The following MCMBP variants were observed in gnomAD, a reference collection of about 807,000 sequenced individuals.
MCMBP encodes mini-chromosome maintenance complex-binding protein.
A neutral mutation model predicts 81.3 loss-of-function variants in MCMBP; 31 were observed. That is an observed-to-expected ratio of 0.38 (90% CI 0.29 to 0.51). MCMBP has a LOEUF of 0.51. Among genes scored for constraint, MCMBP ranks in the 20% least tolerant of loss-of-function variants. MCMBP has a pLI of 0.87. For synonymous variants in MCMBP, 267 were observed against 275.9 expected (o/e 0.97, Z 0.32); for missense variants, 645 against 772.1 (o/e 0.84, Z 1.95).
chr10:119,868,388 T>C (rs953477554), intron 1 of MCMBP, among the ~76,000 whole-genome samples: 2 of 152,162 alleles, frequency 1.3e-5, no homozygotes, highest in Non-Finnish European at 2.9e-5. Context: ...ATCACGCCAC[T>C]GCACTCCACC....
rs1853504782 is a variant in MCMBP, at chr10:119,867,330, T to C, written c.58+5197A>G. 4.0e-5 allele frequency among the ~76,000 whole-genome samples: 6 copies of C among 149,556 alleles called. No individual in the cohort carries two copies. The South Asian group carries it at 1.3e-3, about 32-fold the overall frequency. ...AAAAAAAAAAAAAAAAAGTGGTTAC[T>C]TCAATGGAGGGAGCACGTACTTTCA... On this transcript the variant is annotated intron_variant, in intron 1 of 15. Transcript: ENST00000369077.
intron 5 of MCMBP, among the ~76,000 whole-genome samples, chr10:119,856,965 T>C (rs1853069410): frequency 1.3e-5 from 2 of 151,664 alleles, no homozygotes; most frequent in Non-Finnish European, 2.9e-5. Context: ...CCAGGGATGG[T>C]GGCACACGCT....
intron 11 of MCMBP, among the ~76,000 whole-genome samples, chr10:119,839,216 G>A (rs1852349728): frequency 6.6e-6 from 1 of 152,174 alleles, no homozygotes; most frequent in Non-Finnish European, 1.5e-5. Context: ...CTCTCAGGAG[G>A]TGCCTCCAGG....
At chr10:119,836,204 G>T (rs1191905703) in intron 13 of MCMBP, among the ~76,000 whole-genome samples, 1 of 152,068 alleles carries the variant, frequency 6.6e-6, no homozygotes, top group African/African-American at 2.4e-5. Context: ...GCTTTTTCTT[G>T]GTTACTTATG....
At chr10:119,845,036 C>CATAT (rs1852569355) in intron 8 of MCMBP, among the ~76,000 whole-genome samples, 1 of 152,166 alleles carries the variant, frequency 6.6e-6, no homozygotes, top group Admixed American at 6.5e-5. Flanking sequence ...AACTCCCCTT[C>CATAT]ATATATTCAT....
At chr10:119,848,457 T>G (rs1255278014) in intron 7 of MCMBP, among the ~76,000 whole-genome samples, 17 of 151,638 alleles carry the variant, frequency 1.1e-4, no homozygotes, top group Admixed American at 1.1e-3. Flanking sequence ...ACAAAAAATA[T>G]AAAGAACGAG....
rs1852268258 is a variant in MCMBP at position 119,836,952 on chromosome 10, C to T, written c.1486G>A (p.Glu496Lys). Reference sequence around the variant, plus strand: ...AAAACGTTAATATTGCAGGGGAATTCCATCTGATGGTAGCTGAAGTCATAA... The same window carrying T: ...AAAACGTTAATATTGCAGGGGAATTTCATCTGATGGTAGCTGAAGTCATAA... ...VDYDFSYHQM[E>K]FPCNINVFIT... Residue 496 changes from glutamate (E) to lysine (K), a missense_variant, in exon 13 of 16, where the codon GAA (glutamate) becomes AAA (lysine). By Grantham distance (56) the Glu-to-Lys change is moderately conservative. Transcript: ENST00000369077. 6.2e-7 allele frequency: 1 copy of T among 1,613,664 alleles called. No individual in the cohort carries two copies. Among genetic ancestry groups the T allele is most frequent in the Non-Finnish European group, 8.5e-7 (1 of 1,179,882 alleles).
chr10:119,839,819 C>T (rs766315374), intron 11 of MCMBP, among the ~76,000 whole-genome samples: 1 of 152,224 alleles, frequency 6.6e-6, no homozygotes, highest in African/African-American at 2.4e-5. Flanking sequence ...CAGTTATCTG[C>T]AAAGGCTATC....
intron 1 of MCMBP, 79 bp from the exon 2 acceptor site, chr10:119,859,963 T>C (rs1013964258): frequency 1.3e-5 from 14 of 1,073,838 alleles, no homozygotes; most frequent in Non-Finnish European, 1.5e-5. Flanking sequence ...AGTCACACAA[T>C]AGTTTAGTCA....
rs937249712 is a variant in MCMBP at position 119,872,144 on chromosome 10, G to A, written c.58+383C>T. Among the ~76,000 whole-genome samples the A allele has an allele frequency of 3.9e-5, 6 of 152,224 alleles. No individual in the cohort carries two copies. The East Asian group carries it at 1.2e-3, about 30-fold the overall frequency. ...ACAGGCAAAGTGGTTTTCCCTCCCC[G>A]CGGCTCTGCGGGCCCTCCCCAGGGT... On this transcript the variant is annotated intron_variant, in intron 1 of 15. Coordinates refer to ENST00000369077, the MANE Select transcript of MCMBP (RefSeq NM_001256378.2).
At chr10:119,852,418 T>TATGCCA (rs1393412692) in intron 6 of MCMBP, among the ~76,000 whole-genome samples, 3 of 152,352 alleles carry the variant, frequency 2.0e-5, no homozygotes, top group African/African-American at 7.2e-5. Context: ...TCGCGCCTGT[T>TATGCCA]ATGCCAATGG....
At chr10:119,840,223 G>C (rs1437062955) in intron 11 of MCMBP, among the ~76,000 whole-genome samples, 1 of 152,114 alleles carries the variant, frequency 6.6e-6, no homozygotes, top group Admixed American at 6.5e-5. Flanking sequence ...GTATATTCCA[G>C]TCCACTTCTG....
rs1386123714 is a variant in MCMBP at position 119,872,705 on chromosome 10, G to T, written c.-121C>A. ...GGCCGCTCCTCGCCCGCGTTCGCTCGCGCCCTCCCACGCACAGCGAGCCGC... is the reference window on the plus strand; with the variant it reads ...GGCCGCTCCTCGCCCGCGTTCGCTCTCGCCCTCCCACGCACAGCGAGCCGC... On this transcript the variant is annotated 5_prime_UTR_variant, in exon 1 of 16. Transcript: ENST00000369077. 17 of 371,780 alleles carry T rather than the reference G, an allele frequency of 4.6e-5. No homozygotes were observed. Among genetic ancestry groups the T allele is most frequent in the Non-Finnish European group, 6.8e-5 (17 of 251,134 alleles). The allele number at this position is 371,780 out of a possible 1,614,324, so 23.0% of individuals were successfully genotyped here.
At chr10:119,842,040 G>C (rs1852452469) in intron 10 of MCMBP, among the ~76,000 whole-genome samples, 1 of 152,212 alleles carries the variant, frequency 6.6e-6, no homozygotes, top group African/African-American at 2.4e-5. Flanking sequence ...CCTCCTGTCA[G>C]ATCAGCAGTG....
At chr10:119,862,461 A>AT (rs1589798921) in intron 1 of MCMBP, among the ~76,000 whole-genome samples, 1 of 152,232 alleles carries the variant, frequency 6.6e-6, no homozygotes, top group East Asian at 1.9e-4. Context: ...AGTGAATCAT[A>AT]TAAGTCCTAG....
At chr10:119,852,007 C>T (rs909477542) in intron 6 of MCMBP, among the ~76,000 whole-genome samples, 6 of 151,894 alleles carry the variant, frequency 4.0e-5, no homozygotes, top group Admixed American at 3.9e-4. Flanking sequence ...ACAAAATTAG[C>T]CAGGCGTGGT....
Position 119,859,903 on chromosome 10 carries a change from T to C in MCMBP, c.59-19A>G. Reference sequence around the variant, plus strand: ...TTTTGGGCTGAAAGAGAAATATACTTTTCAAAGCTAATGTACATGCAATAT... The same window carrying C: ...TTTTGGGCTGAAAGAGAAATATACTCTTCAAAGCTAATGTACATGCAATAT... On this transcript the variant is annotated intron_variant, in intron 1 of 15. Coordinates refer to ENST00000369077, the MANE Select transcript of MCMBP (RefSeq NM_001256378.2). The C allele has an allele frequency of 6.4e-7, 1 of 1,568,896 alleles. No homozygotes were observed.
chr10:119,872,396 C>T (rs1853716262), intron 1 of MCMBP, 131 bp downstream of exon 1: 3 of 393,238 alleles, frequency 7.6e-6, no homozygotes, highest in Non-Finnish European at 7.8e-6. Flanking sequence ...CCGGTGCAGG[C>T]CCCGGGGCCC....
rs546128057 is a variant in MCMBP, at chr10:119,841,556, C to A, written c.1125-596G>T. ...TGATGGGAAAATGTTTAATATATAT[C>A]AACTGCTGAAAACAAGACACGCATC... On this transcript the variant is annotated intron_variant, in intron 10 of 15. Transcript: ENST00000369077. 4.6e-5 allele frequency among the ~76,000 whole-genome samples: 7 copies of A among 152,310 alleles called. 1 individual carries two copies. In the South Asian group the frequency reaches 1.4e-3, roughly 32 times the overall value.
Sources: allele counts gnomAD v4.1 joint callset (sites outside exome capture counted in the v4.1 genomes callset), GRCh38; gene constraint gnomAD v4.1.1; transcripts MANE v1.5; gene names NCBI Gene and HGNC (gene_info 2026-07-23, HGNC 2026-07-21).